The following TSHZ2 variants were observed in gnomAD, a reference collection of about 807,000 sequenced individuals.
TSHZ2 encodes the protein teashirt homolog 2.
TSHZ2 carries 21 observed loss-of-function variants against 74.4 expected under a neutral mutation model. The observed-to-expected ratio is 0.28, with a 90% CI of 0.20 to 0.41. The LOEUF (loss-of-function observed/expected upper bound fraction) is 0.41. Among genes scored for constraint, TSHZ2 ranks in the 10% least tolerant of loss-of-function variants. The pLI, the probability that TSHZ2 is intolerant of heterozygous loss-of-function variation, is 1.00. For synonymous variants in TSHZ2, 540 were observed against 515.3 expected, an observed-to-expected ratio of 1.05 and a Z score of -0.65; for missense variants, 1,244 against 1,293.5, an observed-to-expected ratio of 0.96 and a Z score of 0.59.
Position 53,182,232 on chromosome 20 carries a change from C to CTTT in TSHZ2, c.41-71267_41-71266insTTT, listed in dbSNP as rs1988495168. ...CTCACTCCCTCCTTCCCTCTTGACT[C>CTTT]CCTCCTTCCTTCCTTCTATCATTTT... On this transcript the variant is annotated intron_variant, in intron 1 of 2. Coordinates refer to ENST00000371497, the MANE Select transcript of TSHZ2 (RefSeq NM_173485.6). Among the ~76,000 whole-genome samples the CTTT allele has an allele frequency of 3.4e-5, 5 of 147,568 alleles. No individual in the cohort carries two copies. The South Asian group carries it at 6.7e-4, about 20-fold the overall frequency.
chr20:53,256,143 T>C lies in TSHZ2; in HGVS notation c.2685T>C (p.Thr895=). The C allele has an allele frequency of 6.2e-7, 1 of 1,613,782 alleles. No homozygotes were observed. Among genetic ancestry groups the C allele is most frequent in the Non-Finnish European group, 8.5e-7 (1 of 1,179,740 alleles). ...ISKFTGLSMT[T]ISHWLANVKY... ...AGTTTACGGGACTCTCAATGACCAC[T>C]ATCAGTCACTGGCTGGCCAACGTCA... Residue 895 remains threonine (T), a synonymous_variant, in exon 2 of 3, where the codon ACT becomes ACC. Coordinates refer to ENST00000371497, the MANE Select transcript of TSHZ2 (RefSeq NM_173485.6). This position sits in a 1 kb window ranked among gnomAD's most constrained non-coding sequence, Gnocchi z 4.3.
At chr20:53,186,768 G>A (rs575606387) in intron 1 of TSHZ2, among the ~76,000 whole-genome samples, 144 of 152,214 alleles carry the variant, frequency 9.5e-4, no homozygotes, top group Non-Finnish European at 1.7e-3. Flanking sequence ...ACAACCACAC[G>A]GGGGAGGGAG....
intron 2 of TSHZ2, chr20:53,453,146 T>C (rs890960688): frequency 1.6e-4 from 24 of 152,232 alleles, no homozygotes; most frequent in African/African-American, 5.1e-4. Flanking sequence ...AAATATTGAA[T>C]GAACTGATGA....
intron 1 of TSHZ2, among the ~76,000 whole-genome samples, chr20:53,189,956 T>C (rs775627376): frequency 4.7e-5 from 7 of 149,526 alleles, no homozygotes; most frequent in Non-Finnish European, 1.0e-4. Context: ...TGATGGCACA[T>C]GCTTGTAGTG....
chr20:53,099,960 G>A (rs916073967), intron 1 of TSHZ2, among the ~76,000 whole-genome samples: 12 of 152,340 alleles, frequency 7.9e-5, no homozygotes, highest in African/African-American at 2.9e-4. Context: ...TCTGTCTGCA[G>A]CAGCAGTGAA....
chr20:53,185,646 A>T (rs774764512), intron 1 of TSHZ2: 1 of 1,536,048 alleles, frequency 6.5e-7, no homozygotes, highest in South Asian at 1.2e-5. Context: ...GAAAGAAAAG[A>T]TGATGGCTGC....
chr20:53,241,796 C>A (rs1207906760), intron 1 of TSHZ2, among the ~76,000 whole-genome samples: 4 of 148,718 alleles, frequency 2.7e-5, no homozygotes, highest in African/African-American at 9.9e-5. Context: ...AGAGACCGAG[C>A]CCCACACAAG....
chr20:53,222,168 A>G (rs1422341852), intron 1 of TSHZ2, among the ~76,000 whole-genome samples: 1 of 152,162 alleles, frequency 6.6e-6, no homozygotes, highest in Non-Finnish European at 1.5e-5. Flanking sequence ...CTGTACAAAA[A>G]TTCCCAGCAG....
In TSHZ2 at chr20:53,489,542, T is replaced by TG. The variant is rs1986391852; in HGVS notation, c.*2413dup. ...GTGGATTCTCGAGCCCTTGCTCCAA[T>TG]GGGGGGAGGAGATCAATACAATTCC... On this transcript the variant is annotated 3_prime_UTR_variant, in exon 3 of 3. Coordinates refer to ENST00000371497, the MANE Select transcript of TSHZ2 (RefSeq NM_173485.6). The TG allele has an allele frequency of 4.8e-6, 1 of 207,988 alleles. No individual in the cohort carries two copies. Among genetic ancestry groups the TG allele is most frequent in the Non-Finnish European group, 9.8e-6 (1 of 101,602 alleles). The allele number at this position is 207,988 out of a possible 1,614,324, so 12.9% of individuals were successfully genotyped here.
At chr20:53,243,145 A>G (rs192692271) in intron 1 of TSHZ2, among the ~76,000 whole-genome samples, 1 of 152,286 alleles carries the variant, frequency 6.6e-6, no homozygotes, top group African/African-American at 2.4e-5. Flanking sequence ...GAATTAGACT[A>G]AAAGGAAAGA....
At position 53,451,849 on chromosome 20, in the gene TSHZ2, G is replaced by A. The variant is rs143272706; in HGVS notation, c.*9-35295G>A. 9.4e-3 allele frequency among the ~76,000 whole-genome samples: 1,429 copies of A among 152,270 alleles called. 27 individuals are homozygous for A. Among genetic ancestry groups the A allele is most frequent in the Non-Finnish European group, 0.011 (768 of 68,028 alleles). ...TTTTGATCACCACTTAGTACAGTAGGAACACAGTAAAGATTCAATTGGTAT... is the reference window on the plus strand; with the variant it reads ...TTTTGATCACCACTTAGTACAGTAGAAACACAGTAAAGATTCAATTGGTAT... On this transcript the variant is annotated intron_variant, in intron 2 of 2. Coordinates refer to ENST00000371497, the MANE Select transcript of TSHZ2 (RefSeq NM_173485.6).
intron 1 of TSHZ2, among the ~76,000 whole-genome samples, chr20:53,089,786 A>C (rs1985819937): frequency 6.6e-6 from 1 of 152,246 alleles, no homozygotes; most frequent in Non-Finnish European, 1.5e-5. Flanking sequence ...CTTTCAGTCA[A>C]AGGAAATAGC....
At chr20:53,045,780 G>A (rs547682041) in intron 1 of TSHZ2, among the ~76,000 whole-genome samples, 2 of 152,290 alleles carry the variant, frequency 1.3e-5, no homozygotes, top group South Asian at 2.1e-4. Context: ...TGAGGCATAA[G>A]AGAAAATCCA....
chr20:53,169,688 C>G (rs1043693737), intron 1 of TSHZ2, among the ~76,000 whole-genome samples: 1 of 152,138 alleles, frequency 6.6e-6, no homozygotes, highest in South Asian at 2.1e-4. Flanking sequence ...ATTCCCCCTC[C>G]CCTTTTTAAA....
At chr20:53,179,931 A>G (rs887411042) in intron 1 of TSHZ2, among the ~76,000 whole-genome samples, 18 of 152,204 alleles carry the variant, frequency 1.2e-4, no homozygotes, top group African/African-American at 3.9e-4. Context: ...AGATGGAGTT[A>G]CCCTAGCAAC....
Position 53,256,093 on chromosome 20 carries a change from C to G in TSHZ2, c.2635C>G (p.Pro879Ala). The stretch of plus-strand genomic sequence containing the variant: ...CAAATACCTGCTGTCTGATCTGGGC[C>G]CACAAGAGCGTATGCAAATCTCTAA... Reference protein sequence around the residue: ...EGKYLLSDLGPQERMQISKFT... With the variant: ...EGKYLLSDLGAQERMQISKFT... The change falls in exon 2 of 3, where the codon CCA (proline) becomes GCA (alanine). Residue 879 changes from proline (P) to alanine (A), a missense_variant. Transcript: ENST00000371497. This position sits in a 1 kb window ranked among gnomAD's most constrained non-coding sequence, Gnocchi z 4.3. The G allele has an allele frequency of 6.2e-7, 1 of 1,614,172 alleles. No homozygotes were observed. The highest frequency in any genetic ancestry group is 8.5e-7 in the Non-Finnish European group (1 of 1,180,010).
intron 1 of TSHZ2, among the ~76,000 whole-genome samples, chr20:53,233,742 T>C (rs539696494): frequency 6.6e-6 from 1 of 152,190 alleles, no homozygotes; most frequent in African/African-American, 2.4e-5. Flanking sequence ...GAGGAAGAAC[T>C]TGGAGACTCT....
intron 1 of TSHZ2, among the ~76,000 whole-genome samples, chr20:53,142,147 AAGG>A (rs1360372125): frequency 1.3e-5 from 2 of 152,326 alleles, no homozygotes; most frequent in East Asian, 3.9e-4. Context: ...GAAAGAGATA[AAGG>A]AGAAGAAAGA....
intron 1 of TSHZ2, among the ~76,000 whole-genome samples, chr20:53,043,521 A>C (rs77213471): frequency 0.014 from 2,141 of 152,254 alleles, 54 homozygotes; most frequent in African/African-American, 0.044. Flanking sequence ...AGTTTATTAT[A>C]ATAAGCATTC....
Sources: allele counts gnomAD v4.1 joint callset (sites outside exome capture counted in the v4.1 genomes callset), GRCh38; gene constraint gnomAD v4.1.1; non-coding constraint Gnocchi (gnomAD v3.1); transcripts MANE v1.5; gene names NCBI Gene and HGNC (gene_info 2026-07-23, HGNC 2026-07-21).